The following CYP26B1 variants were observed in gnomAD, a reference collection of about 807,000 sequenced individuals.
The protein encoded by CYP26B1 is cytochrome P450 26B1.
Under a neutral mutation model 39.1 loss-of-function variants are expected in CYP26B1, and 8 were observed. That is an observed-to-expected ratio of 0.20 (90% confidence interval 0.12 to 0.37). CYP26B1 has a LOEUF of 0.37. Among genes scored for constraint, CYP26B1 ranks in the 10% least tolerant of loss-of-function variants. The pLI, the probability that CYP26B1 is intolerant of heterozygous loss-of-function variation, is 1.00. For missense variants in CYP26B1, 615 were observed against 707.0 expected (o/e 0.87, Z 1.48); for synonymous variants, 321 against 314.3 (o/e 1.02, Z -0.23).
intron 4 of CYP26B1, 86 bp from the exon 5 acceptor site, chr2:72,133,393 C>T (rs1676659536): frequency 6.6e-7 from 1 of 1,514,788 alleles, no homozygotes; most frequent in Non-Finnish European, 8.9e-7. Context: ...CCCGTGTGCC[C>T]AGGTCATCTG....
rs1481912915 is a variant in CYP26B1 at position 72,134,747 on chromosome 2, C to T, written c.861+14G>A. 7 of 1,609,132 alleles carry T rather than the reference C, an allele frequency of 4.4e-6. No individual in the cohort carries two copies. The highest frequency in any genetic ancestry group is 1.6e-4 in the Middle Eastern group (1 of 6,074). ...GTGCTGGTGCTGCCCGTGAGGGGCA[C>T]ACGCCCACCCCACCTTCAGCTCCTG... is the stretch of plus-strand genomic sequence containing the variant. On this transcript the variant is annotated intron_variant, in intron 4 of 5. Transcript: ENST00000001146.
chr2:72,138,494 G>C (rs1016051594), intron 2 of CYP26B1, among the ~76,000 whole-genome samples: 4 of 152,212 alleles, frequency 2.6e-5, no homozygotes, highest in Non-Finnish European at 5.9e-5. Context: ...CTACTTCCCT[G>C]ACCACAGGCA....
intron 1 of CYP26B1, chr2:72,144,511 G>A (rs1677059493): frequency 8.5e-7 from 1 of 1,171,498 alleles, no homozygotes; most frequent in Non-Finnish European, 1.1e-6. Context: ...ACCCGAAGCG[G>A]GAGTCTCCGC....
chr2:72,135,417 G>A lies in CYP26B1; in HGVS notation c.432C>T (p.Val144=). ...IGDIHRNKRK[V]FSKIFSHEAL... is the part of the protein sequence containing the mutation. ...CCTCGTGGCTGAAGATCTTGGAGAA[G>A]ACCTGGAAGGCAGAGAGGCAAGTGG... The change falls in exon 3 of 6, where the codon GTC becomes GTT. Residue 144 remains valine (V), a splice_region_variant and synonymous_variant. Transcript: ENST00000001146. 6.2e-7 allele frequency: 1 copy of A among 1,609,592 alleles called. No homozygotes were observed. The highest frequency in any genetic ancestry group is 2.2e-5 in the East Asian group (1 of 44,876).
chr2:72,143,887 A>G (rs566246561), intron 2 of CYP26B1, 102 bp downstream of exon 2: 1 of 1,385,696 alleles, frequency 7.2e-7, no homozygotes, highest in Non-Finnish European at 1.0e-6. Flanking sequence ...TGGTGTGCAA[A>G]GGGGGGCACA....
intron 2 of CYP26B1, among the ~76,000 whole-genome samples, chr2:72,141,333 C>T (rs1676936839): frequency 6.6e-6 from 1 of 152,154 alleles, no homozygotes; most frequent in Admixed American, 6.5e-5. Flanking sequence ...GGACTTTTTC[C>T]CTGGCAACCC....
rs1319422946 is a variant in CYP26B1 at position 72,129,616 on chromosome 2, TG to T, written c.*2610del. 1 of 151,790 alleles carries T rather than the reference TG, an allele frequency of 6.6e-6. No individual in the cohort carries two copies. Among genetic ancestry groups the T allele is most frequent in the African/African-American group, 2.4e-5 (1 of 41,128 alleles). The allele number at this position is 151,790 out of a possible 1,614,324, so 9.4% of individuals were successfully genotyped here. On this transcript the variant is annotated 3_prime_UTR_variant, in exon 6 of 6. Transcript: ENST00000001146. ...GACAGACACAAAATTATAACATTTA[TG>T]AAAAAAAAGGTTTGTGTATAAAATA...
rs139076534 is a variant in CYP26B1 at position 72,133,059 on chromosome 2, G to C, written c.1110C>G (p.Gly370=). 8.7e-6 allele frequency: 14 copies of C among 1,613,268 alleles called. No individual in the cohort carries two copies. In the South Asian group the frequency reaches 1.3e-4, roughly 15 times the overall value. ...AGGTCTGCAGCACAGTGCGGTAGCC[G>C]CCGGAAATGGGCGTGAACAGGCGCA... ...EVMRLFTPIS[G]GYRTVLQTFE... The change falls in exon 5 of 6, where the codon GGC becomes GGG. Residue 370 remains glycine (G), a synonymous_variant. Transcript: ENST00000001146.
rs2104108713 is a variant in CYP26B1, at chr2:72,147,736, C to T, written c.99G>A (p.Trp33Ter). The change falls in exon 1 of 6, where the codon TGG (tryptophan) becomes TGA (stop). Residue 33 changes from tryptophan (W) to a stop codon, truncating the protein, a stop_gained. Coordinates refer to ENST00000001146, the MANE Select transcript of CYP26B1 (RefSeq NM_019885.4). LOFTEE classifies it high-confidence loss of function. This position sits in a 1 kb window ranked among gnomAD's most constrained non-coding sequence, Gnocchi z 6.1. ...TLLLAVSQQL[W>*]QLRWAATRDK... ...CGCGAGTGGCGGCCCAGCGCAGCTGCCACAGCTGCTGCGACACGGCCAGCA... is the reference window on the plus strand; with the variant it reads ...CGCGAGTGGCGGCCCAGCGCAGCTGTCACAGCTGCTGCGACACGGCCAGCA... 6.3e-7 allele frequency: 1 copy of T among 1,594,034 alleles called. No individual in the cohort carries two copies. The highest frequency in any genetic ancestry group is 8.5e-7 in the Non-Finnish European group (1 of 1,171,376).
rs535489132 is a variant in CYP26B1 at position 72,130,802 on chromosome 2, C to G, written c.*1425G>C. 9.9e-5 allele frequency: 15 copies of G among 152,280 alleles called. No homozygotes were observed. Among genetic ancestry groups the G allele is most frequent in the African/African-American group, 3.6e-4 (15 of 41,566 alleles). 9.4% of individuals were successfully genotyped at this position (152,280 alleles called of 1,614,324 possible). ...AACCCAATCCCCCTGACAAACCGCA[C>G]GTAGCCGCCTCTTCAGCTTCAGCTG... is the stretch of plus-strand genomic sequence containing the variant. On this transcript the variant is annotated 3_prime_UTR_variant, in exon 6 of 6. Coordinates refer to ENST00000001146, the MANE Select transcript of CYP26B1 (RefSeq NM_019885.4).
In CYP26B1 at chr2:72,130,688, C is replaced by T. The variant is rs888404367; in HGVS notation, c.*1539G>A. ...CTCACCAAACGCCCGGAAACCTTCC[C>T]CAGGAGGCATCCCAAATTGCCAACA... On this transcript the variant is annotated 3_prime_UTR_variant, in exon 6 of 6. Transcript: ENST00000001146. The T allele has an allele frequency of 6.6e-6, 1 of 152,192 alleles. No individual in the cohort carries two copies. Among genetic ancestry groups the T allele is most frequent in the African/African-American group, 2.4e-5 (1 of 41,430 alleles). The allele number at this position is 152,192 out of a possible 1,614,324, so 9.4% of individuals were successfully genotyped here.
At chr2:72,141,892 C>T (rs1039777600) in intron 2 of CYP26B1, among the ~76,000 whole-genome samples, 2 of 152,132 alleles carry the variant, frequency 1.3e-5, no homozygotes, top group African/African-American at 4.8e-5. Flanking sequence ...ACCAACATGC[C>T]CCACGTGGCA....
intron 4 of CYP26B1, among the ~76,000 whole-genome samples, chr2:72,133,699 G>C (rs1243270475): frequency 6.6e-6 from 1 of 152,224 alleles, no homozygotes; most frequent in East Asian, 1.9e-4. Context: ...GCGTGTGTAT[G>C]TGTGGGGGAT....
Position 72,131,515 on chromosome 2 carries a change from G to T in CYP26B1, c.*712C>A, listed in dbSNP as rs1007984970. 6.5e-6 allele frequency: 1 copy of T among 152,818 alleles called. No homozygotes were observed. The highest frequency in any genetic ancestry group is 1.5e-5 in the Non-Finnish European group (1 of 68,258). The allele number at this position is 152,818 out of a possible 1,614,324, so 9.5% of individuals were successfully genotyped here. On this transcript the variant is annotated 3_prime_UTR_variant, in exon 6 of 6. Coordinates refer to ENST00000001146, the MANE Select transcript of CYP26B1 (RefSeq NM_019885.4). ...GGCCTTAGGCGGCTGTGTGTAACAG[G>T]GCCTGGTTCAGCAGGGGATGGGAAG...
intron 2 of CYP26B1, among the ~76,000 whole-genome samples, chr2:72,139,648 C>T (rs947336603): frequency 6.6e-6 from 1 of 152,244 alleles, no homozygotes; most frequent in South Asian, 2.1e-4. Context: ...GGGCGGGCAG[C>T]ACTTGGCAGA....
At chr2:72,140,073 C>T (rs1271067445) in intron 2 of CYP26B1, among the ~76,000 whole-genome samples, 6 of 152,164 alleles carry the variant, frequency 3.9e-5, no homozygotes, top group Non-Finnish European at 8.8e-5. Flanking sequence ...CAGACCCCAC[C>T]GAGCCTTCCC....
intron 2 of CYP26B1, among the ~76,000 whole-genome samples, chr2:72,142,763 C>T (rs1238816743): frequency 2.0e-5 from 3 of 152,184 alleles, no homozygotes; most frequent in African/African-American, 2.4e-5. Flanking sequence ...CCCGCCGCCC[C>T]CAGGCTGTGG....
At chr2:72,133,357 C>A in intron 4 of CYP26B1, 50 bp from the exon 5 acceptor site, 1 of 1,574,854 alleles carries the variant, frequency 6.3e-7, no homozygotes, top group South Asian at 1.1e-5. Flanking sequence ...TTCAGCCAGG[C>A]AGGGGCCGCC....
intron 2 of CYP26B1, among the ~76,000 whole-genome samples, chr2:72,143,576 T>C (rs1362383862): frequency 3.9e-5 from 6 of 152,184 alleles, no homozygotes; most frequent in East Asian, 3.9e-4. Flanking sequence ...CAGCCTGTGG[T>C]GGGAAGGACA....
Sources: gnomAD v4.1 joint callset for allele counts (sites outside exome capture counted in the v4.1 genomes callset) on GRCh38, gnomAD v4.1.1 for gene constraint, Gnocchi (gnomAD v3.1) non-coding constraint, MANE v1.5 for transcripts, NCBI Gene and HGNC (gene_info 2026-07-23, HGNC 2026-07-21) for gene names.